GRM8: variants seen among roughly 807,000 people sequenced by gnomAD.
GRM8 encodes the protein metabotropic glutamate receptor 8.
GRM8 carries 47 observed loss-of-function variants against 87.2 expected under a neutral mutation model. The observed-to-expected ratio is 0.54, with a 90% CI of 0.43 to 0.69. GRM8 has a LOEUF of 0.69. Among genes scored for constraint, GRM8 ranks in the 30% least tolerant of loss-of-function variants. The probability of loss-of-function intolerance (pLI) is 0.00; values close to 1 mark genes in which losing one functional copy is unlikely to be tolerated. For synonymous variants in GRM8, 396 were observed against 404.5 expected (o/e 0.98, Z 0.25); for missense variants, 1,019 against 1,139.2 (o/e 0.89, Z 1.52).
chr7:127,227,117 G>C (rs569327825), intron 2 of GRM8, among the ~76,000 whole-genome samples: 2 of 152,206 alleles, frequency 1.3e-5, no homozygotes, highest in African/African-American at 4.8e-5. Context: ...GAAAGGAATC[G>C]CAAGGGTTAA....
intron 3 of GRM8, among the ~76,000 whole-genome samples, chr7:127,041,782 T>C (rs1041145251): frequency 6.6e-6 from 1 of 152,212 alleles, no homozygotes. Context: ...GGTTGGTTTA[T>C]GCAAATGAAC....
intron 2 of GRM8, among the ~76,000 whole-genome samples, chr7:127,170,780 G>T (rs960476819): frequency 6.6e-6 from 1 of 152,174 alleles, no homozygotes; most frequent in African/African-American, 2.4e-5. Flanking sequence ...TTATAAGTGG[G>T]AGCTAAGCTA....
At position 127,099,814 on chromosome 7, in the gene GRM8, T is replaced by C. The variant is rs371569824; in HGVS notation, c.727+6682A>G. 1.6e-4 allele frequency among the ~76,000 whole-genome samples: 25 copies of C among 152,242 alleles called. No individual in the cohort carries two copies. In the East Asian group the frequency reaches 3.7e-3, roughly 22 times the overall value. ...TGAATTATCTCCCAAGAAAAATACA[T>C]TGAAATCCTAAACCCAGTACCTCAG... On this transcript the variant is annotated intron_variant, in intron 3 of 10. Transcript: ENST00000339582.
intron 2 of GRM8, among the ~76,000 whole-genome samples, chr7:127,146,560 G>GTT (rs1283331850): frequency 6.6e-6 from 1 of 152,090 alleles, no homozygotes; most frequent in African/African-American, 2.4e-5. Flanking sequence ...GGACATGTAA[G>GTT]TGTTTTTTCC....
At chr7:127,008,825 A>G (rs993907775) in intron 3 of GRM8, among the ~76,000 whole-genome samples, 1 of 152,140 alleles carries the variant, frequency 6.6e-6, no homozygotes, top group African/African-American at 2.4e-5. Flanking sequence ...AAAGTAAAAT[A>G]TATATCCGTT....
chr7:127,130,254 C>T (rs997321816), intron 2 of GRM8, among the ~76,000 whole-genome samples: 9 of 151,912 alleles, frequency 5.9e-5, no homozygotes, highest in Admixed American at 1.3e-4. Flanking sequence ...CAGACTAATA[C>T]GGATAATTGG....
intron 2 of GRM8, among the ~76,000 whole-genome samples, chr7:127,207,189 T>A (rs1191361970): frequency 6.6e-6 from 1 of 152,142 alleles, no homozygotes; most frequent in African/African-American, 2.4e-5. Flanking sequence ...GGAGAGCAAT[T>A]TTTTATTTTT....
chr7:127,012,834 A>G (rs1210658113), intron 3 of GRM8, among the ~76,000 whole-genome samples: 3 of 152,204 alleles, frequency 2.0e-5, no homozygotes, highest in Non-Finnish European at 2.9e-5. Context: ...AAGAAAAAAG[A>G]GAAGATTTCC....
At chr7:126,564,253 T>G (rs1211412185) in intron 8 of GRM8, among the ~76,000 whole-genome samples, 1 of 152,180 alleles carries the variant, frequency 6.6e-6, no homozygotes, top group Non-Finnish European at 1.5e-5. Flanking sequence ...TGCTGTTTTC[T>G]GAAGGGCTCC....
At chr7:126,599,720 T>C (rs939220732) in intron 8 of GRM8, among the ~76,000 whole-genome samples, 2 of 152,164 alleles carry the variant, frequency 1.3e-5, no homozygotes, top group African/African-American at 4.8e-5. Flanking sequence ...TTGTGAATGC[T>C]GATCATACTT....
At chr7:127,041,946 G>A (rs1818466826) in intron 3 of GRM8, among the ~76,000 whole-genome samples, 1 of 152,148 alleles carries the variant, frequency 6.6e-6, no homozygotes, top group Admixed American at 6.5e-5. Flanking sequence ...GCTCTGTTTG[G>A]TTTCCAAACC....
At chr7:126,777,300 A>T (rs1021751634) in intron 6 of GRM8, among the ~76,000 whole-genome samples, 3 of 152,156 alleles carry the variant, frequency 2.0e-5, no homozygotes. Context: ...GTATCCCTTT[A>T]ATTCTAAATT....
intron 6 of GRM8, among the ~76,000 whole-genome samples, chr7:126,842,950 A>G (rs981801844): frequency 6.6e-6 from 1 of 152,196 alleles, no homozygotes; most frequent in African/African-American, 2.4e-5. Flanking sequence ...TTACAGCAGC[A>G]ATAGGGAACT....
intron 2 of GRM8, 53 bp from the exon 3 acceptor site, chr7:127,106,765 T>C (rs374260338): frequency 1.6e-6 from 2 of 1,276,636 alleles, no homozygotes; most frequent in Non-Finnish European, 2.3e-6. Flanking sequence ...TGAAGAATGA[T>C]GGATTGTCAT....
intron 7 of GRM8, among the ~76,000 whole-genome samples, chr7:126,634,141 A>G (rs1043043986): frequency 1.2e-4 from 19 of 152,298 alleles, no homozygotes; most frequent in African/African-American, 4.1e-4. Context: ...TCCTATTGCC[A>G]TTTTAAAGTT....
intron 3 of GRM8, among the ~76,000 whole-genome samples, chr7:127,005,248 G>A (rs1814169550): frequency 6.6e-6 from 1 of 150,606 alleles, no homozygotes; most frequent in African/African-American, 2.4e-5. Context: ...TGCTCTACAA[G>A]AGCTGAGAAA....
chr7:126,783,730 A>T (rs559807589), intron 6 of GRM8, among the ~76,000 whole-genome samples: 2 of 152,314 alleles, frequency 1.3e-5, no homozygotes, highest in Middle Eastern at 6.8e-3. Flanking sequence ...TTCTCTTCAC[A>T]TGGACTGGCA....
intron 3 of GRM8, among the ~76,000 whole-genome samples, chr7:127,060,162 C>A (rs192928475): frequency 6.6e-6 from 1 of 152,288 alleles, no homozygotes; most frequent in East Asian, 1.9e-4. Context: ...CATCGAAAGG[C>A]AAGTTTTCAA....
chr7:127,233,425 A>G (rs1377649137), intron 2 of GRM8, among the ~76,000 whole-genome samples: 1 of 152,200 alleles, frequency 6.6e-6, no homozygotes, highest in Admixed American at 6.5e-5. Flanking sequence ...TTTGTTCTAG[A>G]AATAATATAA....
Sources: gnomAD v4.1 joint callset for allele counts (sites outside exome capture counted in the v4.1 genomes callset) on GRCh38, gnomAD v4.1.1 for gene constraint, MANE v1.5 for transcripts, NCBI Gene and HGNC (gene_info 2026-07-23, HGNC 2026-07-21) for gene names.